The following ZNF280D variants were observed in gnomAD, a reference collection of about 807,000 sequenced individuals.
The protein encoded by ZNF280D is zinc finger protein 280D.
Under a neutral mutation model 94.7 loss-of-function variants are expected in ZNF280D, and 39 were observed. The ratio of observed to expected loss-of-function variants is 0.41; its 90% CI spans 0.32 to 0.54. The LOEUF is 0.54. Among genes scored for constraint, ZNF280D ranks in the 20% least tolerant of loss-of-function variants. ZNF280D has a pLI of 0.22. For missense variants in ZNF280D, 1,090 were observed against 1,149.3 expected (o/e 0.95, Z 0.75); for synonymous variants, 398 against 377.6 (o/e 1.05, Z -0.63).
intron 7 of ZNF280D, 50 bp downstream of exon 7, chr15:56,693,048 T>C (rs745803961): frequency 9.2e-7 from 1 of 1,092,196 alleles, no homozygotes; most frequent in African/African-American, 1.6e-5. Context: ...CATATGCATA[T>C]TCATCAAGTT....
At chr15:56,731,451 G>C (rs1596734061) in intron 1 of ZNF280D, among the ~76,000 whole-genome samples, 1 of 140,208 alleles carries the variant, frequency 7.1e-6, no homozygotes, top group African/African-American at 2.7e-5. Flanking sequence ...AGGATGCAGC[G>C]AGCCAAGACT....
At position 56,646,273 on chromosome 15, in the gene ZNF280D, A is replaced by T. The variant is rs183073736; in HGVS notation, c.2214-3276T>A. On this transcript the variant is annotated intron_variant, in intron 19 of 21. Coordinates refer to ENST00000267807, the MANE Select transcript of ZNF280D (RefSeq NM_017661.4). Reference sequence around the variant, plus strand: ...ACCTCATCTCTACAAAAAAATTTTTAAAAAATTAGCCAGACATGGTTGTAC... The same window carrying T: ...ACCTCATCTCTACAAAAAAATTTTTTAAAAATTAGCCAGACATGGTTGTAC... Among the ~76,000 whole-genome samples, 126 of 152,144 alleles carry T rather than the reference A, an allele frequency of 8.3e-4. No homozygotes were observed. The South Asian group carries it at 8.3e-3, about 10-fold the overall frequency.
intron 6 of ZNF280D, chr15:56,699,564 A>G: frequency 1.2e-6 from 1 of 821,494 alleles, no homozygotes; most frequent in South Asian, 5.6e-5. Flanking sequence ...TGAGATTTTG[A>G]TATGTACTTG....
intron 16 of ZNF280D, among the ~76,000 whole-genome samples, chr15:56,663,111 C>G (rs2054058771): frequency 6.7e-6 from 1 of 150,320 alleles, no homozygotes; most frequent in African/African-American, 2.4e-5. Context: ...TGGAAAAAAT[C>G]CCATCCCTAC....
intron 19 of ZNF280D, 47 bp downstream of exon 19, chr15:56,654,151 G>T (rs772615728): frequency 2.5e-6 from 4 of 1,586,372 alleles, no homozygotes; most frequent in Non-Finnish European, 3.4e-6. Flanking sequence ...ATGCAATAGT[G>T]CTAAAATCCA....
intron 11 of ZNF280D, among the ~76,000 whole-genome samples, chr15:56,678,007 CTTTTT>C (rs1198357496): frequency 7.3e-6 from 1 of 137,196 alleles, no homozygotes; most frequent in African/African-American, 2.7e-5. Flanking sequence ...AATTTTCTTT[CTTTTT>C]TTTTTTTTTT....
At chr15:56,679,914 GTTAAATATTTA>G (rs2055504504) in intron 10 of ZNF280D, among the ~76,000 whole-genome samples, 1 of 152,158 alleles carries the variant, frequency 6.6e-6, no homozygotes, top group Non-Finnish European at 1.5e-5. Context: ...CCTGGTCGTT[GTTAAATATTTA>G]CGTTTAGAGT....
intron 16 of ZNF280D, among the ~76,000 whole-genome samples, chr15:56,662,740 C>G (rs147088409): frequency 6.7e-6 from 1 of 148,974 alleles, no homozygotes; most frequent in African/African-American, 2.5e-5. Context: ...AGGAGAATTG[C>G]GTGAACCTGG....
At chr15:56,702,191 C>G (rs2057122271) in intron 4 of ZNF280D, among the ~76,000 whole-genome samples, 1 of 152,054 alleles carries the variant, frequency 6.6e-6, no homozygotes, top group African/African-American at 2.4e-5. Context: ...TTAAACACTA[C>G]AGAAGTCTTA....
rs762176241 is a variant in ZNF280D, at chr15:56,700,966, A to G, written c.348T>C (p.Asp116=). 7.6e-5 allele frequency: 123 copies of G among 1,613,828 alleles called. No homozygotes were observed. Among genetic ancestry groups the G allele is most frequent in the Non-Finnish European group, 9.9e-5 (117 of 1,179,860 alleles). The part of the protein sequence containing the change: ...INFHPESRSS[D]SSVIVQPFSK... ...AAAAAGGCTGAACAATAACAGAACT[A>G]TCTGAAGATCTAGACTCAGGATGAA... is the stretch of plus-strand genomic sequence containing the variant. Residue 116 remains aspartate (D), a synonymous_variant, in exon 6 of 22, where the codon GAT becomes GAC. Coordinates refer to ENST00000267807, the MANE Select transcript of ZNF280D (RefSeq NM_017661.4).
At chr15:56,632,604 T>A (rs537878221) in intron 21 of ZNF280D, among the ~76,000 whole-genome samples, 3 of 150,222 alleles carry the variant, frequency 2.0e-5, no homozygotes, top group South Asian at 4.2e-4. Context: ...CAAGTGATCC[T>A]CCCACCTCAG....
At chr15:56,707,405 A>G (rs1423671159) in intron 1 of ZNF280D, 99 bp from the exon 2 acceptor site, 1 of 975,756 alleles carries the variant, frequency 1.0e-6, no homozygotes, top group Non-Finnish European at 1.5e-6. Flanking sequence ...TATGTTTGAT[A>G]TATCTGATAT....
chr15:56,667,165 A>G (rs1371143561), intron 14 of ZNF280D, among the ~76,000 whole-genome samples, 179 bp from the exon 15 acceptor site: 1 of 152,188 alleles, frequency 6.6e-6, no homozygotes, highest in Non-Finnish European at 1.5e-5. Context: ...TAAACTTGAT[A>G]TTAAGTTGTA....
intron 1 of ZNF280D, among the ~76,000 whole-genome samples, chr15:56,718,966 C>T (rs1596658372): frequency 6.6e-6 from 1 of 152,290 alleles, no homozygotes; most frequent in Non-Finnish European, 1.5e-5. Context: ...TACTCACCTA[C>T]TCCTTTTTAA....
chr15:56,658,011 G>T (rs1458693609), intron 17 of ZNF280D, among the ~76,000 whole-genome samples: 6 of 152,078 alleles, frequency 3.9e-5, no homozygotes, highest in Admixed American at 6.6e-5. Context: ...GGGTTTTGCA[G>T]CAATTTTTAA....
chr15:56,733,228 G>A (rs1291965065), intron 1 of ZNF280D, among the ~76,000 whole-genome samples: 3 of 152,156 alleles, frequency 2.0e-5, no homozygotes, highest in African/African-American at 7.2e-5. Flanking sequence ...CAGCCGAGGC[G>A]GCTGCCGCGT....
At position 56,631,969 on chromosome 15, in the gene ZNF280D, G is replaced by A; in HGVS notation, c.2469C>T (p.Asn823=). 2 of 1,613,950 alleles carry A rather than the reference G, an allele frequency of 1.2e-6. No individual in the cohort carries two copies. The highest frequency in any genetic ancestry group is 2.2e-5 in the South Asian group (2 of 91,078). The change falls in exon 22 of 22, where the codon AAC becomes AAT. Residue 823 remains asparagine, a synonymous_variant. Coordinates refer to ENST00000267807, the MANE Select transcript of ZNF280D (RefSeq NM_017661.4). ...CAATATTTGAATCACAACTGACGAT[G>A]TTTTTTGAGCCAGTTTCCTGGTCTG... ...CLADQETGSK[N]IVSCDSNIGA... is the part of the protein sequence containing the mutation.
intron 1 of ZNF280D, among the ~76,000 whole-genome samples, chr15:56,723,083 TG>T (rs2058454042): frequency 3.5e-5 from 2 of 56,588 alleles, no homozygotes; most frequent in Admixed American, 2.7e-4. Context: ...TATTGTGGGG[TG>T]GGGGGAGGGG....
chr15:56,633,903 G>A (rs1022229328), intron 21 of ZNF280D: 3 of 151,980 alleles, frequency 2.0e-5, no homozygotes, highest in Non-Finnish European at 4.4e-5. Context: ...CAAATCCCAT[G>A]TTTATTAAAT....
Sources: allele counts gnomAD v4.1 joint callset (sites outside exome capture counted in the v4.1 genomes callset), GRCh38; gene constraint gnomAD v4.1.1; transcripts MANE v1.5; gene names NCBI Gene and HGNC (gene_info 2026-07-23, HGNC 2026-07-21).